GADL1: variants seen among roughly 807,000 people sequenced by gnomAD.
GADL1 encodes the protein GAD like acidic amino acid decarboxylase 1.
In GADL1, 71 loss-of-function variants were observed where a neutral mutation model predicts 69.5. The ratio of observed to expected loss-of-function variants is 1.02; its 90% CI spans 0.84 to 1.25. GADL1 has a LOEUF of 1.25. Ranked by LOEUF, GADL1 falls within the 50% of genes most tolerant of loss-of-function variation. The pLI is 0.00. For missense variants in GADL1, 737 were observed against 631.8 expected, an observed-to-expected ratio of 1.17 and a Z score of -1.79; for synonymous variants, 254 against 214.4, an observed-to-expected ratio of 1.18 and a Z score of -1.62.
intron 1 of GADL1, among the ~76,000 whole-genome samples, chr3:30,884,396 G>A (rs545794906): frequency 5.9e-5 from 9 of 152,084 alleles, no homozygotes; most frequent in South Asian, 4.1e-4. Context: ...AGCACCTGTC[G>A]AAGGGACAGT....
At chr3:30,883,862 A>G (rs749392984) in intron 1 of GADL1, among the ~76,000 whole-genome samples, 19 of 151,948 alleles carry the variant, frequency 1.3e-4, no homozygotes, top group Non-Finnish European at 2.1e-4. Context: ...AATCTCCTTC[A>G]TTGGGTTTGT....
intron 1 of GADL1, among the ~76,000 whole-genome samples, chr3:30,891,259 C>T (rs1006548650): frequency 6.6e-6 from 1 of 152,118 alleles, no homozygotes; most frequent in Admixed American, 6.5e-5. Context: ...TCCTTAGCAA[C>T]CAAACAGCAG....
intron 14 of GADL1, among the ~76,000 whole-genome samples, chr3:30,758,705 A>G (rs1275538894): frequency 6.6e-6 from 1 of 152,220 alleles, no homozygotes; most frequent in East Asian, 1.9e-4. Context: ...AAAGGTTTTC[A>G]TGGTGACTCC....
At position 30,766,571 on chromosome 3, in the gene GADL1, A is replaced by C. The variant is rs565382907; in HGVS notation, c.1392+11608T>G. Among the ~76,000 whole-genome samples, 28 of 152,180 alleles carry C rather than the reference A, an allele frequency of 1.8e-4. No homozygotes were observed. In the East Asian group the frequency reaches 4.6e-3, roughly 25 times the overall value. On this transcript the variant is annotated intron_variant, in intron 14 of 14. Transcript: ENST00000282538. ...CATTACTGTGATTTTTTTTCTCTTA[A>C]TGAGGAAACAGGTATGGAGTGGTAA...
At chr3:30,845,243 G>A (rs1272806380) in intron 6 of GADL1, among the ~76,000 whole-genome samples, 1 of 152,180 alleles carries the variant, frequency 6.6e-6, no homozygotes, top group Non-Finnish European at 1.5e-5. Context: ...TTGATAAATA[G>A]TAGTGTGTGC....
intron 12 of GADL1, among the ~76,000 whole-genome samples, chr3:30,788,082 T>C (rs571813755): frequency 6.6e-6 from 1 of 152,208 alleles, no homozygotes; most frequent in Non-Finnish European, 1.5e-5. Context: ...GTTCTACATA[T>C]GCCATTCTCT....
At chr3:30,789,946 C>T (rs1696879038) in intron 12 of GADL1, among the ~76,000 whole-genome samples, 1 of 152,180 alleles carries the variant, frequency 6.6e-6, no homozygotes, top group Admixed American at 6.6e-5. Context: ...AGTTGTTTCG[C>T]TTTCTTATTA....
At chr3:30,739,997 G>A (rs1407917898) in intron 14 of GADL1, among the ~76,000 whole-genome samples, 1 of 152,080 alleles carries the variant, frequency 6.6e-6, no homozygotes, top group African/African-American at 2.4e-5. Context: ...TTTTTATGGA[G>A]CTTGCTCAAC....
rs1368741045 is a variant in GADL1 at position 30,727,407 on chromosome 3, T to C, written c.*835A>G. 3 of 145,700 alleles carry C rather than the reference T, an allele frequency of 2.1e-5. No homozygotes were observed. The highest frequency in any genetic ancestry group is 7.9e-5 in the African/African-American group (3 of 37,954). 9.0% of individuals were successfully genotyped at this position (145,700 alleles called of 1,614,324 possible). A position where few individuals can be genotyped will look rare whatever the true frequency, so the allele number is the denominator to read the frequency against. On this transcript the variant is annotated 3_prime_UTR_variant, in exon 15 of 15. Transcript: ENST00000282538. ...TTGTGCTTTGAATTATATATATATATATATGTGTGTGTGTGTATATATATA... is the reference window on the plus strand; with the variant it reads ...TTGTGCTTTGAATTATATATATATACATATGTGTGTGTGTGTATATATATA...
intron 12 of GADL1, among the ~76,000 whole-genome samples, chr3:30,797,160 C>T (rs977537449): frequency 1.1e-4 from 17 of 152,230 alleles, no homozygotes; most frequent in African/African-American, 2.9e-4. Context: ...CTCAAGAATG[C>T]GCTGGCTAGT....
chr3:30,805,734 C>CTTTTTTTTTTTTTTTTTTTT lies in GADL1; in HGVS notation c.1051-4666_1051-4647dup, dbSNP rs34788058. Among the ~76,000 whole-genome samples, 56 of 66,090 alleles carry CTTTTTTTTTTTTTTTTTTTT rather than the reference C, an allele frequency of 8.5e-4. 3 individuals carry two copies. In the East Asian group the frequency reaches 0.011, roughly 13 times the overall value. 43.4% of individuals were successfully genotyped at this position (66,090 alleles called of 152,430 possible). On this transcript the variant is annotated intron_variant, in intron 11 of 14. Coordinates refer to ENST00000282538, the MANE Select transcript of GADL1 (RefSeq NM_207359.3). The stretch of plus-strand genomic sequence containing the variant: ...ATTCTGTGCACCAGCAGTCCCCAGC[C>CTTTTTTTTTTTTTTTTTTTT]TTTTTTTTTTTTTTTTTTTTTTTTG...
rs1423444232 is a variant in GADL1, at chr3:30,785,942, C to G, written c.1302+413G>C. On this transcript the variant is annotated intron_variant, in intron 13 of 14. Transcript: ENST00000282538. ...CAAAATGACTTATTTTCCCATTGCT[C>G]CAAAGCTAATATGCTCATTATTTTA... is the stretch of plus-strand genomic sequence containing the variant. Among the ~76,000 whole-genome samples, 5 of 152,106 alleles carry G rather than the reference C, an allele frequency of 3.3e-5. No homozygotes were observed. The East Asian group carries it at 9.6e-4, about 29-fold the overall frequency.
intron 14 of GADL1, among the ~76,000 whole-genome samples, chr3:30,734,347 C>A (rs1027719896): frequency 3.3e-5 from 5 of 152,164 alleles, no homozygotes; most frequent in African/African-American, 9.7e-5. Context: ...AATGAATATT[C>A]TTATCTCTGA....
In GADL1 at chr3:30,726,725, T is replaced by C. The variant is rs1055327619; in HGVS notation, c.*1517A>G. 8 of 152,210 alleles carry C rather than the reference T, an allele frequency of 5.3e-5. No homozygotes were observed. 9.4% of individuals were successfully genotyped at this position (152,210 alleles called of 1,614,324 possible). A position where few individuals can be genotyped will look rare whatever the true frequency, so the allele number is the denominator to read the frequency against. ...TAACACTCTTCAATCATTCACCTTT[T>C]AATGCAGACCTTTAATTATATTCAT... is the stretch of plus-strand genomic sequence containing the variant. On this transcript the variant is annotated 3_prime_UTR_variant, in exon 15 of 15. Coordinates refer to ENST00000282538, the MANE Select transcript of GADL1 (RefSeq NM_207359.3).
At chr3:30,890,816 C>T (rs537228318) in intron 1 of GADL1, among the ~76,000 whole-genome samples, 16 of 152,296 alleles carry the variant, frequency 1.1e-4, no homozygotes, top group Non-Finnish European at 1.9e-4. Context: ...TCAATAACCT[C>T]ATTAACTTTC....
intron 2 of GADL1, among the ~76,000 whole-genome samples, chr3:30,859,232 C>CT (rs755019072): frequency 4.6e-5 from 7 of 151,556 alleles, no homozygotes; most frequent in Non-Finnish European, 7.4e-5. Context: ...GACTGGGAGG[C>CT]TGGGGGGAAG....
chr3:30,890,429 T>C (rs985477088), intron 1 of GADL1, among the ~76,000 whole-genome samples: 1 of 152,176 alleles, frequency 6.6e-6, no homozygotes, highest in African/African-American at 2.4e-5. Flanking sequence ...AATGATGATA[T>C]GGGCAATACA....
chr3:30,887,112 G>T (rs1278819396), intron 1 of GADL1, among the ~76,000 whole-genome samples: 1 of 152,166 alleles, frequency 6.6e-6, no homozygotes, highest in Non-Finnish European at 1.5e-5. Flanking sequence ...AACTGGTAGA[G>T]CCTGGACTCC....
intron 13 of GADL1, 36 bp from the exon 14 acceptor site, chr3:30,778,304 A>G: frequency 1.5e-6 from 2 of 1,299,382 alleles, no homozygotes; most frequent in Non-Finnish European, 1.1e-6. Flanking sequence ...TGTTATCTTA[A>G]GATTTATCTT....
Sources: allele counts gnomAD v4.1 joint callset (sites outside exome capture counted in the v4.1 genomes callset), GRCh38; gene constraint gnomAD v4.1.1; transcripts MANE v1.5; gene names NCBI Gene and HGNC (gene_info 2026-07-23, HGNC 2026-07-21).